GRK3: variants seen among roughly 807,000 people sequenced by gnomAD.
GRK3 encodes G protein-coupled receptor kinase 3.
In GRK3, 54 loss-of-function variants were observed where a neutral mutation model predicts 95.7. That is an observed-to-expected ratio of 0.56 (90% CI 0.45 to 0.71). GRK3 has a LOEUF of 0.71. GRK3 is among the 30% of genes least tolerant of loss of function. The probability of loss-of-function intolerance (pLI) is 0.00; values close to 1 mark genes in which losing one functional copy is unlikely to be tolerated. For missense variants in GRK3, 649 were observed against 851.2 expected (o/e 0.76, Z 2.96); for synonymous variants, 281 against 290.8 (o/e 0.97, Z 0.34).
chr22:25,571,383 T>C (rs950180392), intron 1 of GRK3, among the ~76,000 whole-genome samples: 2 of 152,220 alleles, frequency 1.3e-5, no homozygotes, highest in Non-Finnish European at 2.9e-5. Context: ...GATTGTATAA[T>C]GTCCCAATAA....
intron 1 of GRK3, among the ~76,000 whole-genome samples, chr22:25,601,289 G>T (rs549227012): frequency 2.0e-5 from 3 of 152,202 alleles, no homozygotes; most frequent in African/African-American, 7.2e-5. Flanking sequence ...AATCATAAAA[G>T]AACTGAGTTA....
At chr22:25,694,722 C>T (rs1199251810) in intron 12 of GRK3, among the ~76,000 whole-genome samples, 2 of 152,138 alleles carry the variant, frequency 1.3e-5, no homozygotes, top group Non-Finnish European at 2.9e-5. Context: ...AGCGCCGCAG[C>T]GTGGTCGCCT....
chr22:25,709,196 C>A (rs1247742253), intron 15 of GRK3, among the ~76,000 whole-genome samples: 1 of 152,062 alleles, frequency 6.6e-6, no homozygotes, highest in Non-Finnish European at 1.5e-5. Flanking sequence ...CGTCACCATG[C>A]CCGGCTAATT....
At chr22:25,689,239 C>T (rs1164775833) in intron 11 of GRK3, among the ~76,000 whole-genome samples, 1 of 152,036 alleles carries the variant, frequency 6.6e-6, no homozygotes, top group Non-Finnish European at 1.5e-5. Flanking sequence ...CATTTTATTT[C>T]CTTATGCGAG....
At chr22:25,655,985 C>T (rs770884502) in intron 3 of GRK3, among the ~76,000 whole-genome samples, 4 of 152,176 alleles carry the variant, frequency 2.6e-5, no homozygotes, top group Non-Finnish European at 5.9e-5. Flanking sequence ...CTCTGACTGC[C>T]TGGATTTCAA....
At chr22:25,595,089 C>T (rs986761948) in intron 1 of GRK3, among the ~76,000 whole-genome samples, 11 of 152,050 alleles carry the variant, frequency 7.2e-5, no homozygotes, top group Non-Finnish European at 1.3e-4. Context: ...AAGCTGGAAG[C>T]ATTCCCCTTG....
chr22:25,697,268 T>G (rs2085216863), intron 13 of GRK3, among the ~76,000 whole-genome samples: 1 of 152,260 alleles, frequency 6.6e-6, no homozygotes, highest in African/African-American at 2.4e-5. Context: ...GCTTCATTTT[T>G]TAAAAGACTA....
chr22:25,618,746 C>T (rs1189739085), intron 2 of GRK3, among the ~76,000 whole-genome samples: 5 of 149,194 alleles, frequency 3.4e-5, no homozygotes, highest in Non-Finnish European at 5.9e-5. Flanking sequence ...TTGGTGTTTC[C>T]AGGAACCTCT....
intron 2 of GRK3, among the ~76,000 whole-genome samples, chr22:25,627,516 C>T (rs181501779): frequency 3.3e-5 from 5 of 152,306 alleles, no homozygotes; most frequent in Admixed American, 1.3e-4. Flanking sequence ...CTCTATAGCC[C>T]GTTAATCTTT....
intron 1 of GRK3, among the ~76,000 whole-genome samples, chr22:25,566,080 T>A (rs1988253): frequency 0.22 from 33,253 of 152,168 alleles, 7,745 homozygotes; most frequent in African/African-American, 0.59. Flanking sequence ...ATAGTTTGTC[T>A]GGTTAATAGT....
chr22:25,625,308 G>T (rs553771067), intron 2 of GRK3, among the ~76,000 whole-genome samples: 3 of 152,070 alleles, frequency 2.0e-5, no homozygotes, highest in African/African-American at 4.8e-5. Context: ...AATAATCCTC[G>T]CTCTGCAATC....
chr22:25,592,815 C>A (rs1202094330), intron 1 of GRK3, among the ~76,000 whole-genome samples: 5 of 150,602 alleles, frequency 3.3e-5, no homozygotes, highest in Admixed American at 6.6e-5. Context: ...CCTCCCCCGC[C>A]ATTCATCCCT....
At chr22:25,579,886 A>T (rs1932040986) in intron 1 of GRK3, among the ~76,000 whole-genome samples, 1 of 152,242 alleles carries the variant, frequency 6.6e-6, no homozygotes, top group Admixed American at 6.5e-5. Flanking sequence ...GGCAAAGATC[A>T]TCAATGTATG....
chr22:25,651,706 T>G (rs1230739586), intron 3 of GRK3, among the ~76,000 whole-genome samples: 1 of 152,266 alleles, frequency 6.6e-6, no homozygotes, highest in Non-Finnish European at 1.5e-5. Flanking sequence ...TGGTATTCAT[T>G]AGGTTTTAAC....
rs559871986 is a variant in GRK3, at chr22:25,685,025, A to T, written c.748-145A>T. On this transcript the variant is annotated intron_variant, in intron 9 of 20. Transcript: ENST00000324198. ...AACATAGATATGTGTCAAAACATCA[A>T]ACTGTACACCATAAATATGTACAAT... 1.2e-4 allele frequency: 71 copies of T among 595,310 alleles called. 4 individuals carry two copies. In the South Asian group the frequency reaches 1.5e-3, roughly 13 times the overall value. The allele number at this position is 595,310 out of a possible 1,614,324, so 36.9% of individuals were successfully genotyped here.
chr22:25,661,724 G>A (rs2084910952), intron 4 of GRK3, 47 bp downstream of exon 4: 3 of 1,211,020 alleles, frequency 2.5e-6, no homozygotes, highest in South Asian at 1.4e-5. Flanking sequence ...ATGAATAAGG[G>A]ACCATGTTCA....
At chr22:25,647,848 T>C (rs1011367447) in intron 3 of GRK3, 12 of 733,642 alleles carry the variant, frequency 1.6e-5, no homozygotes, top group African/African-American at 3.5e-5. Flanking sequence ...CAGTGGCTCA[T>C]GCCTGTAATC....
intron 2 of GRK3, among the ~76,000 whole-genome samples, chr22:25,635,150 C>T (rs1433881969): frequency 6.6e-6 from 1 of 152,084 alleles, no homozygotes; most frequent in Non-Finnish European, 1.5e-5. Flanking sequence ...AACGTGTGGC[C>T]CAAGACAATT....
At chr22:25,714,296 A>G in intron 17 of GRK3, 112 bp from the exon 18 acceptor site, 1 of 819,376 alleles carries the variant, frequency 1.2e-6, no homozygotes, top group Non-Finnish European at 1.9e-6. Context: ...GCTGCCATCT[A>G]GTCATCTTCC....
Sources: allele counts gnomAD v4.1 joint callset (sites outside exome capture counted in the v4.1 genomes callset), GRCh38; gene constraint gnomAD v4.1.1; transcripts MANE v1.5; gene names NCBI Gene and HGNC (gene_info 2026-07-23, HGNC 2026-07-21).